The following NRXN1 variants were observed in gnomAD, a reference collection of about 807,000 sequenced individuals.
The protein encoded by NRXN1 is neurexin-1.
A neutral mutation model predicts 150.9 loss-of-function variants in NRXN1; 39 were observed. That is an observed-to-expected ratio of 0.26 (90% CI 0.20 to 0.34). NRXN1 has a LOEUF of 0.34. Ranked by LOEUF, NRXN1 falls within the 10% of genes least tolerant of loss-of-function variation. The pLI, the probability that NRXN1 is intolerant of heterozygous loss-of-function variation, is 1.00. For missense variants in NRXN1, 1,815 were observed against 1,949.9 expected, an observed-to-expected ratio of 0.93 and a Z score of 1.30; for synonymous variants, 924 against 757.0, an observed-to-expected ratio of 1.22 and a Z score of -3.62.
intron 5 of NRXN1, among the ~76,000 whole-genome samples, chr2:50,875,252 A>T (rs1021374109): frequency 6.6e-6 from 1 of 151,796 alleles, no homozygotes; most frequent in African/African-American, 2.4e-5. Context: ...GATGTTGACC[A>T]TATAACTTCT....
intron 2 of NRXN1, among the ~76,000 whole-genome samples, chr2:50,954,093 A>T (rs1691871152): frequency 6.6e-6 from 1 of 152,186 alleles, no homozygotes; most frequent in Non-Finnish European, 1.5e-5. Context: ...TAGAGTATAC[A>T]TTTTAATGAA....
At chr2:50,867,208 GC>G (rs1349052478) in intron 5 of NRXN1, among the ~76,000 whole-genome samples, 1 of 151,748 alleles carries the variant, frequency 6.6e-6, no homozygotes, top group Non-Finnish European at 1.5e-5. Context: ...ATTTCTAAGG[GC>G]CCTCTTCCCA....
chr2:50,873,706 C>A (rs1160768874), intron 5 of NRXN1, among the ~76,000 whole-genome samples: 5 of 151,822 alleles, frequency 3.3e-5, no homozygotes, highest in Admixed American at 6.6e-5. Flanking sequence ...TTTCAAAACA[C>A]CCAGACTGCA....
chr2:50,414,836 T>C (rs961722055), intron 17 of NRXN1, among the ~76,000 whole-genome samples: 1 of 152,160 alleles, frequency 6.6e-6, no homozygotes, highest in African/African-American at 2.4e-5. Flanking sequence ...TAATACCAAA[T>C]ATATCAATAA....
At chr2:50,923,489 T>A (rs1686396736) in intron 3 of NRXN1, 1 of 232,022 alleles carries the variant, frequency 4.3e-6, no homozygotes, top group Admixed American at 4.6e-5. Flanking sequence ...TTATTTAATT[T>A]ATTTATTATT....
chr2:50,682,755 T>C lies in NRXN1; in HGVS notation c.833-59140A>G, dbSNP rs1690599228. Reference sequence around the variant, plus strand: ...GCAAGACAGAGTGCAACAGTACGTGTCACATTCTAAAGTCTAGGAGGGAAA... The same window carrying C: ...GCAAGACAGAGTGCAACAGTACGTGCCACATTCTAAAGTCTAGGAGGGAAA... On this transcript the variant is annotated intron_variant, in intron 5 of 22. Coordinates refer to ENST00000401669, the MANE Select transcript of NRXN1 (RefSeq NM_001330078.2). 2.0e-5 allele frequency among the ~76,000 whole-genome samples: 3 copies of C among 152,212 alleles called. No homozygotes were observed. The South Asian group carries it at 6.2e-4, about 32-fold the overall frequency.
At chr2:50,223,447 A>G (rs2064078473) in intron 18 of NRXN1, among the ~76,000 whole-genome samples, 1 of 151,962 alleles carries the variant, frequency 6.6e-6, no homozygotes, top group South Asian at 2.1e-4. Context: ...AGAATTTACA[A>G]CTTTTTCTTC....
chr2:50,163,268 A>AATG (rs2152789851), intron 18 of NRXN1, among the ~76,000 whole-genome samples: 2 of 151,796 alleles, frequency 1.3e-5, no homozygotes, highest in South Asian at 4.2e-4. Context: ...GCAGACGTCC[A>AATG]ATGATACACG....
chr2:50,343,798 C>T (rs1190893053), intron 17 of NRXN1, among the ~76,000 whole-genome samples: 1 of 152,198 alleles, frequency 6.6e-6, no homozygotes, highest in Non-Finnish European at 1.5e-5. Flanking sequence ...TTAAACTATA[C>T]CATAAATGAA....
chr2:49,942,904 C>T (rs1291110523), intron 22 of NRXN1, among the ~76,000 whole-genome samples: 1 of 152,082 alleles, frequency 6.6e-6, no homozygotes, highest in African/African-American at 2.4e-5. Context: ...GCCACTATGA[C>T]CAGCAAAGAA....
At chr2:50,211,645 A>G (rs2063025214) in intron 18 of NRXN1, among the ~76,000 whole-genome samples, 1 of 151,578 alleles carries the variant, frequency 6.6e-6, no homozygotes. Flanking sequence ...ACCTAATATT[A>G]TATACTAAAT....
intron 5 of NRXN1, among the ~76,000 whole-genome samples, chr2:50,749,438 G>T (rs1700349855): frequency 6.6e-6 from 1 of 151,962 alleles, no homozygotes; most frequent in Non-Finnish European, 1.5e-5. Context: ...GCCCTTTCCT[G>T]ATTCCATTCT....
At chr2:50,945,518 CTA>C (rs56782252) in intron 2 of NRXN1, among the ~76,000 whole-genome samples, 117,737 of 147,534 alleles carry the variant, frequency 0.8, 47,008 homozygotes, top group East Asian at 0.98. Context: ...CTCTCTCTTA[CTA>C]TATATATATA....
intron 17 of NRXN1, among the ~76,000 whole-genome samples, chr2:50,400,900 T>C (rs930079021): frequency 2.6e-5 from 4 of 152,162 alleles, no homozygotes; most frequent in African/African-American, 9.7e-5. Context: ...TTCACACACC[T>C]GGGTTGATGC....
At position 50,150,667 on chromosome 2, in the gene NRXN1, T is replaced by C. The variant is rs1464326961; in HGVS notation, c.3547-59173A>G. Among the ~76,000 whole-genome samples, 5 of 151,904 alleles carry C rather than the reference T, an allele frequency of 3.3e-5. No homozygotes were observed. The East Asian group carries it at 7.8e-4, about 24-fold the overall frequency. On this transcript the variant is annotated intron_variant, in intron 18 of 22. Coordinates refer to ENST00000401669, the MANE Select transcript of NRXN1 (RefSeq NM_001330078.2). ...AGGAATTAGGTGTTAGATACCTATC[T>C]ATATTTTTTTGTTTCTACTCAGTAT...
intron 18 of NRXN1, among the ~76,000 whole-genome samples, chr2:50,157,735 C>T (rs767640248): frequency 2.0e-5 from 3 of 151,886 alleles, no homozygotes; most frequent in Admixed American, 6.6e-5. Flanking sequence ...ATAAAGTCCA[C>T]CAGCGTTGGG....
At chr2:49,992,221 T>C (rs1439163818) in intron 21 of NRXN1, among the ~76,000 whole-genome samples, 1 of 152,056 alleles carries the variant, frequency 6.6e-6, no homozygotes, top group African/African-American at 2.4e-5. Context: ...AAATAATTAA[T>C]GAGCTCTACA....
At chr2:50,532,238 G>A (rs930819030) in intron 10 of NRXN1, among the ~76,000 whole-genome samples, 1 of 151,880 alleles carries the variant, frequency 6.6e-6, no homozygotes, top group Non-Finnish European at 1.5e-5. Context: ...ACAATGAGAG[G>A]GTACTGCCAG....
intron 5 of NRXN1, among the ~76,000 whole-genome samples, chr2:50,784,804 G>T (rs979590147): frequency 1.3e-5 from 2 of 152,022 alleles, no homozygotes; most frequent in Non-Finnish European, 2.9e-5. Flanking sequence ...CTGGACAAGG[G>T]TGATGGTAAT....
Sources: allele counts gnomAD v4.1 joint callset (sites outside exome capture counted in the v4.1 genomes callset), GRCh38; gene constraint gnomAD v4.1.1; transcripts MANE v1.5; gene names NCBI Gene and HGNC (gene_info 2026-07-23, HGNC 2026-07-21).